ITGA9: variants seen among roughly 807,000 people sequenced by gnomAD.
ITGA9 encodes integrin subunit alpha 9.
In ITGA9, 56 loss-of-function variants were observed where a neutral mutation model predicts 127.8. That is an observed-to-expected ratio of 0.44 (90% confidence interval 0.35 to 0.55). The LOEUF is 0.55. Ranked by LOEUF, ITGA9 falls within the 20% of genes least tolerant of loss-of-function variation. The pLI is 0.00. For missense variants in ITGA9, 1,196 were observed against 1,347.1 expected (o/e 0.89, Z 1.76); for synonymous variants, 508 against 514.5 (o/e 0.99, Z 0.17).
chr3:37,738,414 AGAAG>A (rs2125531739), intron 20 of ITGA9, among the ~76,000 whole-genome samples: 1 of 152,312 alleles, frequency 6.6e-6, no homozygotes, highest in South Asian at 2.1e-4. Flanking sequence ...GCACCTTCTC[AGAAG>A]AAGGATGGGG....
rs1315427867 is a variant in ITGA9 at position 37,614,441 on chromosome 3, G to A, written c.1690-14746G>A. On this transcript the variant is annotated intron_variant, in intron 15 of 27. Transcript: ENST00000264741. ...TCTTTTGGCTTAGGATTGACTTGGC[G>A]ATGCGGGCTCTTTTTTGGTTCCATA... Among the ~76,000 whole-genome samples the A allele has an allele frequency of 1.2e-4, 18 of 152,170 alleles. No individual in the cohort carries two copies. The East Asian group carries it at 1.4e-3, about 11-fold the overall frequency.
In ITGA9 at chr3:37,731,372, C is replaced by T. The variant is rs76495059; in HGVS notation, c.2068-1340C>T. Among the ~76,000 whole-genome samples the T allele has an allele frequency of 4.7e-3, 711 of 152,264 alleles. 6 individuals are homozygous for T. Among genetic ancestry groups the T allele is most frequent in the African/African-American group, 0.016 (670 of 41,544 alleles). ...GCTCCCAAGGTGATACTAACGCTGGCGATCCTGGGTCTCTGTGTGAATAAC... is the reference window on the plus strand; with the variant it reads ...GCTCCCAAGGTGATACTAACGCTGGTGATCCTGGGTCTCTGTGTGAATAAC... On this transcript the variant is annotated intron_variant, in intron 18 of 27. Coordinates refer to ENST00000264741, the MANE Select transcript of ITGA9 (RefSeq NM_002207.3).
chr3:37,706,201 G>C (rs144439856), intron 18 of ITGA9, among the ~76,000 whole-genome samples: 1 of 152,114 alleles, frequency 6.6e-6, no homozygotes, highest in Non-Finnish European at 1.5e-5. Flanking sequence ...GGAGGACCCC[G>C]TGTCCTTGAC....
intron 27 of ITGA9, chr3:37,805,684 T>C (rs1418092659): frequency 6.6e-6 from 1 of 152,178 alleles, no homozygotes; most frequent in Non-Finnish European, 1.5e-5. Context: ...TATTTTGAGA[T>C]GGAGTTTTGC....
intron 25 of ITGA9, 122 bp downstream of exon 25, chr3:37,780,143 G>A: frequency 8.2e-7 from 1 of 1,217,060 alleles, no homozygotes. Flanking sequence ...TGACAATCTG[G>A]CTGCCCCCCC....
chr3:37,510,150 T>A (rs987760307), intron 8 of ITGA9, among the ~76,000 whole-genome samples: 1 of 151,708 alleles, frequency 6.6e-6, no homozygotes, highest in Non-Finnish European at 1.5e-5. Flanking sequence ...CACAGACATG[T>A]GCCACCATGC....
rs1697453757 is a variant in ITGA9, at chr3:37,817,774, A to AG, written c.3010-1116dup. Reference sequence around the variant, plus strand: ...ACTGTTTGGTGGTGATGACTATGTGAGAAAAACTAGACACTTGTCTTACCA... The same window carrying AG: ...ACTGTTTGGTGGTGATGACTATGTGAGGAAAAACTAGACACTTGTCTTACCA... On this transcript the variant is annotated intron_variant, in intron 27 of 27. Coordinates refer to ENST00000264741, the MANE Select transcript of ITGA9 (RefSeq NM_002207.3). 2.0e-5 allele frequency among the ~76,000 whole-genome samples: 3 copies of AG among 152,308 alleles called. No individual in the cohort carries two copies. In the South Asian group the frequency reaches 6.2e-4, roughly 32 times the overall value.
chr3:37,492,377 C>T (rs113674835), intron 4 of ITGA9, among the ~76,000 whole-genome samples: 2,178 of 152,336 alleles, frequency 0.014, 50 homozygotes, highest in African/African-American at 0.049. Flanking sequence ...GGAGGCTGGC[C>T]TGAAAACAGT....
intron 23 of ITGA9, among the ~76,000 whole-genome samples, chr3:37,769,395 T>G (rs963443823): frequency 2.6e-5 from 4 of 152,190 alleles, no homozygotes; most frequent in African/African-American, 9.7e-5. Context: ...AATTATTTCT[T>G]TAATTTTGAG....
intron 26 of ITGA9, among the ~76,000 whole-genome samples, chr3:37,786,672 G>T (rs1221677111): frequency 6.6e-6 from 1 of 152,120 alleles, no homozygotes; most frequent in Non-Finnish European, 1.5e-5. Context: ...CTTCAGTCCT[G>T]TCCGTTTTTG....
intron 15 of ITGA9, among the ~76,000 whole-genome samples, chr3:37,567,267 C>G (rs889470331): frequency 1.4e-4 from 21 of 152,202 alleles, no homozygotes; most frequent in African/African-American, 3.6e-4. Flanking sequence ...ACCATCAGAT[C>G]TCATGAGACT....
intron 18 of ITGA9, among the ~76,000 whole-genome samples, 159 bp from the exon 19 acceptor site, chr3:37,732,553 A>T (rs1401578786): frequency 2.0e-5 from 3 of 152,142 alleles, no homozygotes; most frequent in Non-Finnish European, 4.4e-5. Flanking sequence ...AAAAGTGGGC[A>T]GCTGGAAGGG....
At position 37,611,695 on chromosome 3, in the gene ITGA9, ACT is replaced by A. The variant is rs1262504255; in HGVS notation, c.1690-17487_1690-17486del. On this transcript the variant is annotated intron_variant, in intron 15 of 27. Coordinates refer to ENST00000264741, the MANE Select transcript of ITGA9 (RefSeq NM_002207.3). ...GAAATCTTGTGGGGTCAGTGTTTTG[ACT>A]CTCTTCATTTTGGTCATGGTTCAGG... 2.6e-5 allele frequency among the ~76,000 whole-genome samples: 4 copies of A among 151,586 alleles called. No homozygotes were observed. The East Asian group carries it at 5.9e-4, about 22-fold the overall frequency.
intron 4 of ITGA9, among the ~76,000 whole-genome samples, chr3:37,491,697 A>G (rs1014500934): frequency 6.6e-6 from 1 of 152,220 alleles, no homozygotes; most frequent in East Asian, 1.9e-4. Context: ...GCTTTGTGAT[A>G]TAGGCTGTCC....
chr3:37,578,793 G>C (rs553459094), intron 15 of ITGA9, among the ~76,000 whole-genome samples: 1 of 151,780 alleles, frequency 6.6e-6, no homozygotes, highest in South Asian at 2.1e-4. Context: ...CCCCAAGAGG[G>C]CTACAGGGAA....
chr3:37,656,268 A>G (rs1258149853), intron 17 of ITGA9, among the ~76,000 whole-genome samples: 3 of 152,194 alleles, frequency 2.0e-5, no homozygotes, highest in African/African-American at 7.2e-5. Flanking sequence ...CATTGACTCT[A>G]TAAATTACTT....
At chr3:37,741,280 AC>A (rs1310634107) in intron 20 of ITGA9, among the ~76,000 whole-genome samples, 1 of 75,722 alleles carries the variant, frequency 1.3e-5, no homozygotes, top group Non-Finnish European at 2.8e-5. Context: ...ATTCCACCCC[AC>A]CCCCACCCCC....
chr3:37,754,409 G>C (rs1696626002), intron 23 of ITGA9, among the ~76,000 whole-genome samples: 1 of 152,324 alleles, frequency 6.6e-6, no homozygotes, highest in Admixed American at 6.5e-5. Flanking sequence ...GGAGTGAAGG[G>C]CTAGAACTTT....
chr3:37,510,512 C>A (rs1698893381), intron 8 of ITGA9, among the ~76,000 whole-genome samples: 1 of 152,068 alleles, frequency 6.6e-6, no homozygotes, highest in South Asian at 2.1e-4. Context: ...TGGATGAGAA[C>A]CTATGCTCAA....
Sources: gnomAD v4.1 joint callset for allele counts (sites outside exome capture counted in the v4.1 genomes callset) on GRCh38, gnomAD v4.1.1 for gene constraint, MANE v1.5 for transcripts, NCBI Gene and HGNC (gene_info 2026-07-23, HGNC 2026-07-21) for gene names.